Variants in EPHA6 observed in about 807,000 individuals in gnomAD.
EPHA6 encodes the protein ephrin type-A receptor 6.
EPHA6 carries 50 observed loss-of-function variants against 112.0 expected under a neutral mutation model. That is an observed-to-expected ratio of 0.45 (90% CI 0.36 to 0.56). EPHA6 has a LOEUF of 0.56. EPHA6 is among the 20% of genes least tolerant of loss of function. EPHA6 has a pLI of 0.00. For synonymous variants in EPHA6, 529 were observed against 490.7 expected (o/e 1.08, Z -1.03); for missense variants, 1,280 against 1,417.4 (o/e 0.90, Z 1.56).
intron 5 of EPHA6, among the ~76,000 whole-genome samples, chr3:97,275,221 G>A (rs562305628): frequency 6.6e-6 from 1 of 152,130 alleles, no homozygotes; most frequent in Non-Finnish European, 1.5e-5. Flanking sequence ...TTGAGGTTTG[G>A]GAGATTAGTC....
intron 10 of EPHA6, among the ~76,000 whole-genome samples, chr3:97,529,599 T>G (rs2092673021): frequency 7.4e-6 from 1 of 134,910 alleles, no homozygotes; most frequent in Non-Finnish European, 1.6e-5. Flanking sequence ...ATAATCAGTT[T>G]TTAGCAAAAT....
chr3:97,512,390 T>C (rs1413738486), intron 10 of EPHA6, among the ~76,000 whole-genome samples: 1 of 152,190 alleles, frequency 6.6e-6, no homozygotes, highest in African/African-American at 2.4e-5. Context: ...ATAGTATCAT[T>C]TTATAATAAA....
At chr3:97,522,653 T>G (rs372379110) in intron 10 of EPHA6, among the ~76,000 whole-genome samples, 17 of 152,202 alleles carry the variant, frequency 1.1e-4, no homozygotes, top group East Asian at 5.8e-4. Context: ...GATAAAATTC[T>G]GCTGTGAAGT....
intron 5 of EPHA6, among the ~76,000 whole-genome samples, chr3:97,375,013 A>G (rs2085272045): frequency 6.6e-6 from 1 of 152,154 alleles, no homozygotes; most frequent in Admixed American, 6.6e-5. Context: ...GCATGCTAGC[A>G]CTGGGTACAC....
chr3:97,469,414 T>A (rs1219451928), intron 7 of EPHA6, among the ~76,000 whole-genome samples: 1 of 151,720 alleles, frequency 6.6e-6, no homozygotes, highest in Non-Finnish European at 1.5e-5. Context: ...TCAAAGCTGT[T>A]TTATAGTATG....
intron 10 of EPHA6, among the ~76,000 whole-genome samples, chr3:97,489,893 G>T (rs926581868): frequency 6.6e-6 from 1 of 152,000 alleles, no homozygotes; most frequent in Non-Finnish European, 1.5e-5. Flanking sequence ...TTACTGTCAG[G>T]AGCAGGACTG....
chr3:97,101,024 G>A lies in EPHA6; in HGVS notation c.1114+113031G>A, dbSNP rs189953863. On this transcript the variant is annotated intron_variant, in intron 3 of 17. Coordinates refer to ENST00000389672, the MANE Select transcript of EPHA6 (RefSeq NM_001080448.3). Reference sequence around the variant, plus strand: ...AGTTTAGTATCTGTGAATGTAAAACGACTTTATAATGTATTATGATTCAGA... The same window carrying A: ...AGTTTAGTATCTGTGAATGTAAAACAACTTTATAATGTATTATGATTCAGA... 2.9e-4 allele frequency among the ~76,000 whole-genome samples: 44 copies of A among 152,048 alleles called. No homozygotes were observed. The East Asian group carries it at 7.6e-3, about 26-fold the overall frequency.
intron 2 of EPHA6, among the ~76,000 whole-genome samples, chr3:96,930,342 T>C (rs1223105178): frequency 6.6e-6 from 1 of 152,190 alleles, no homozygotes; most frequent in Non-Finnish European, 1.5e-5. Context: ...TTTTCCATCT[T>C]TATGGGGTCT....
chr3:97,024,366 G>C (rs1443601440), intron 3 of EPHA6, among the ~76,000 whole-genome samples: 3 of 152,076 alleles, frequency 2.0e-5, no homozygotes, highest in African/African-American at 7.2e-5. Flanking sequence ...TTCATGTAAA[G>C]AACATGCCAT....
At chr3:97,581,925 G>A (rs891225878) in intron 11 of EPHA6, among the ~76,000 whole-genome samples, 1 of 152,254 alleles carries the variant, frequency 6.6e-6, no homozygotes, top group African/African-American at 2.4e-5. Flanking sequence ...GTGCTAGAAG[G>A]AGTGAACAAC....
chr3:97,343,394 T>C (rs1056458500), intron 5 of EPHA6, among the ~76,000 whole-genome samples: 2 of 152,176 alleles, frequency 1.3e-5, no homozygotes, highest in Admixed American at 1.3e-4. Context: ...CCTTGGTTTT[T>C]TCTGACTGCA....
intron 5 of EPHA6, among the ~76,000 whole-genome samples, chr3:97,349,901 TA>T (rs1428861790): frequency 6.6e-6 from 1 of 152,096 alleles, no homozygotes; most frequent in Non-Finnish European, 1.5e-5. Context: ...GAATATCTTT[TA>T]GGGGGCAGTA....
At chr3:96,917,497 G>A (rs1254540137) in intron 2 of EPHA6, among the ~76,000 whole-genome samples, 1 of 150,674 alleles carries the variant, frequency 6.6e-6, no homozygotes, top group African/African-American at 2.4e-5. Context: ...TAATAGAAGT[G>A]CACAATGCTG....
intron 5 of EPHA6, among the ~76,000 whole-genome samples, chr3:97,394,137 CA>C (rs1020595901): frequency 6.6e-6 from 1 of 151,546 alleles, no homozygotes; most frequent in Non-Finnish European, 1.5e-5. Context: ...AACTGCTTTT[CA>C]AAAAAGATAC....
chr3:96,991,344 A>G (rs1246639240), intron 3 of EPHA6, among the ~76,000 whole-genome samples: 2 of 152,136 alleles, frequency 1.3e-5, no homozygotes, highest in Non-Finnish European at 2.9e-5. Flanking sequence ...CTTAATGTAC[A>G]ATAAACAGCC....
intron 2 of EPHA6, among the ~76,000 whole-genome samples, chr3:96,942,179 T>C (rs1173309000): frequency 6.6e-6 from 1 of 152,210 alleles, no homozygotes; most frequent in Admixed American, 6.5e-5. Context: ...AGGTTACTGC[T>C]GTCTTTTTGT....
At position 97,479,343 on chromosome 3, in the gene EPHA6, A is replaced by C. The variant is rs1489698703; in HGVS notation, c.2053A>C (p.Asn685His). 6.2e-7 allele frequency: 1 copy of C among 1,606,462 alleles called. No individual in the cohort carries two copies. Among genetic ancestry groups the C allele is most frequent in the Non-Finnish European group, 8.5e-7 (1 of 1,177,284 alleles). Residue 685 changes from asparagine to histidine, a missense_variant, in exon 9 of 18, where the codon AAC becomes CAC. This residue lies in a region of EPHA6 where 878 missense variants were observed against 999.7 expected (regional missense o/e 0.88). Transcript: ENST00000389672. Reference sequence around the variant, plus strand: ...GATGAAGTCAGAAGAGAAGAGAAGAAACCACTTACAGAATGGGCATTGTAA... The same window carrying C: ...GATGAAGTCAGAAGAGAAGAGAAGACACCACTTACAGAATGGGCATTGTAA... ...AKMKSEEKRRNHLQNGHLRFP... is the reference protein window; with the variant it reads ...AKMKSEEKRRHHLQNGHLRFP...
intron 11 of EPHA6, among the ~76,000 whole-genome samples, chr3:97,566,087 A>G (rs1325743897): frequency 6.6e-6 from 1 of 151,988 alleles, no homozygotes; most frequent in African/African-American, 2.4e-5. Flanking sequence ...GCATGGCACC[A>G]ACATCTGTTT....
intron 3 of EPHA6, among the ~76,000 whole-genome samples, chr3:97,012,583 ATATG>A (rs939218226): frequency 3.1e-5 from 4 of 130,766 alleles, no homozygotes; most frequent in South Asian, 2.2e-4. Flanking sequence ...TAAAATTTAT[ATATG>A]TGTGTGTGTG....
Sources: gnomAD v4.1 joint callset for allele counts (sites outside exome capture counted in the v4.1 genomes callset) on GRCh38, gnomAD v4.1.1 for gene constraint, gnomAD v4.1.1 regional missense constraint, MANE v1.5 for transcripts, NCBI Gene and HGNC (gene_info 2026-07-23, HGNC 2026-07-21) for gene names.